PTPRK: variants seen among roughly 807,000 people sequenced by gnomAD.
PTPRK encodes receptor-type tyrosine-protein phosphatase kappa.
PTPRK carries 75 observed loss-of-function variants against 178.0 expected under a neutral mutation model. The observed-to-expected ratio is 0.42, with a 90% CI of 0.35 to 0.51. The LOEUF (loss-of-function observed/expected upper bound fraction) is 0.51, where lower values mean the gene tolerates loss of function less well. Among genes scored for constraint, PTPRK ranks in the 20% least tolerant of loss-of-function variants. PTPRK has a pLI of 0.02. For missense variants in PTPRK, 1,441 were observed against 1,797.8 expected, an observed-to-expected ratio of 0.80 and a Z score of 3.59; for synonymous variants, 637 against 620.6, an observed-to-expected ratio of 1.03 and a Z score of -0.39.
intron 1 of PTPRK, among the ~76,000 whole-genome samples, chr6:128,426,033 A>C (rs1166687628): frequency 2.0e-5 from 3 of 152,208 alleles, no homozygotes; most frequent in Non-Finnish European, 4.4e-5. Context: ...TATAGTACCC[A>C]ATGTTTCCAA....
In PTPRK at chr6:128,051,333, T is replaced by C. The variant is rs527692554; in HGVS notation, c.2194+13425A>G. Among the ~76,000 whole-genome samples, 5 of 152,308 alleles carry C rather than the reference T, an allele frequency of 3.3e-5. No homozygotes were observed. The South Asian group carries it at 6.2e-4, about 19-fold the overall frequency. Reference sequence around the variant, plus strand: ...ATCTCCTTTTTATCAGTAATGTATTTCTGGAAAAGAAAGTCTCCCCAACCA... The same window carrying C: ...ATCTCCTTTTTATCAGTAATGTATTCCTGGAAAAGAAAGTCTCCCCAACCA... On this transcript the variant is annotated intron_variant, in intron 13 of 29. Coordinates refer to ENST00000368226, the MANE Select transcript of PTPRK (RefSeq NM_002844.4).
intron 7 of PTPRK, among the ~76,000 whole-genome samples, chr6:128,123,392 C>A (rs1212863942): frequency 1.3e-5 from 2 of 152,088 alleles, no homozygotes; most frequent in Admixed American, 6.6e-5. Context: ...TAATACACAA[C>A]TTAGGAGGAA....
intron 3 of PTPRK, among the ~76,000 whole-genome samples, chr6:128,247,222 T>G (rs186279792): frequency 3.3e-5 from 5 of 152,350 alleles, no homozygotes; most frequent in African/African-American, 9.6e-5. Flanking sequence ...TTACAGATAC[T>G]AGAAAAATCT....
intron 3 of PTPRK, among the ~76,000 whole-genome samples, chr6:128,308,660 C>T (rs551651031): frequency 1.2e-4 from 18 of 152,088 alleles, no homozygotes; most frequent in African/African-American, 3.9e-4. Context: ...CAATTTTCGA[C>T]GCATGAAAGG....
intron 7 of PTPRK, among the ~76,000 whole-genome samples, chr6:128,170,463 G>A (rs961540825): frequency 6.6e-6 from 1 of 151,990 alleles, no homozygotes; most frequent in African/African-American, 2.4e-5. Context: ...GGGGGTTAAA[G>A]AAAACTATTC....
At chr6:128,057,688 C>T (rs1780129277) in intron 13 of PTPRK, among the ~76,000 whole-genome samples, 1 of 152,136 alleles carries the variant, frequency 6.6e-6, no homozygotes, top group Non-Finnish European at 1.5e-5. Context: ...TTCTCCCTGT[C>T]CTTATTCTGC....
intron 7 of PTPRK, among the ~76,000 whole-genome samples, chr6:128,140,945 T>C (rs977323636): frequency 5.9e-5 from 9 of 151,986 alleles, no homozygotes; most frequent in Non-Finnish European, 1.0e-4. Flanking sequence ...CAGTACCATG[T>C]ATAAGGGAGA....
At chr6:128,191,557 G>A (rs1803788164) in intron 6 of PTPRK, among the ~76,000 whole-genome samples, 1 of 151,864 alleles carries the variant, frequency 6.6e-6, no homozygotes, top group South Asian at 2.1e-4. Context: ...ACATTTCTAT[G>A]AGAGTAGATA....
intron 13 of PTPRK, among the ~76,000 whole-genome samples, chr6:128,045,767 C>T (rs1777939191): frequency 6.6e-6 from 1 of 152,036 alleles, no homozygotes; most frequent in Admixed American, 6.6e-5. Flanking sequence ...CAGGCACACA[C>T]AATTATAAGG....
rs1277812997 is a variant in PTPRK at position 127,976,649 on chromosome 6, T to C, written c.3969+8A>G. On this transcript the variant is annotated splice_region_variant and intron_variant, in intron 27 of 29. Transcript: ENST00000368226. ...TAGATCAGCTCAAAGGATCCGATAG[T>C]GACTTACTCTTGTTAGATTGCATAT... The C allele has an allele frequency of 2.5e-6, 4 of 1,613,926 alleles. No homozygotes were observed. The highest frequency in any genetic ancestry group is 2.5e-6 in the Non-Finnish European group (3 of 1,179,956).
At chr6:128,391,342 A>G (rs1441755924) in intron 2 of PTPRK, among the ~76,000 whole-genome samples, 1 of 152,114 alleles carries the variant, frequency 6.6e-6, no homozygotes, top group Non-Finnish European at 1.5e-5. Flanking sequence ...ACAACTGCAC[A>G]TGTTCACACA....
intron 3 of PTPRK, among the ~76,000 whole-genome samples, chr6:128,247,412 C>A (rs977283345): frequency 3.3e-5 from 5 of 152,182 alleles, no homozygotes; most frequent in Admixed American, 1.3e-4. Context: ...CTCTGCCTCC[C>A]AGGTTCAAAC....
At chr6:128,305,422 C>T (rs1212769669) in intron 3 of PTPRK, among the ~76,000 whole-genome samples, 1 of 152,108 alleles carries the variant, frequency 6.6e-6, no homozygotes, top group African/African-American at 2.4e-5. Flanking sequence ...CACTATGACT[C>T]GCCTTGTTTA....
intron 1 of PTPRK, among the ~76,000 whole-genome samples, chr6:128,493,806 C>T (rs1211837241): frequency 6.6e-6 from 1 of 152,086 alleles, no homozygotes; most frequent in Non-Finnish European, 1.5e-5. Context: ...CTGGAAACTC[C>T]AAAGGTAACT....
intron 7 of PTPRK, among the ~76,000 whole-genome samples, chr6:128,150,988 TATC>T (rs926685835): frequency 6.6e-6 from 1 of 152,110 alleles, no homozygotes; most frequent in Non-Finnish European, 1.5e-5. Context: ...AAATATAGCA[TATC>T]ATGTTACAAG....
rs552084994 is a variant in PTPRK at position 128,100,674 on chromosome 6, T to A, written c.1163-10682A>T. On this transcript the variant is annotated intron_variant, in intron 7 of 29. Transcript: ENST00000368226. ...ATATCTCAGAGCTGAATAACTCCTA[T>A]ATATGAAGACACATAGAATATAAAT... Among the ~76,000 whole-genome samples, 10 of 152,098 alleles carry A rather than the reference T, an allele frequency of 6.6e-5. No homozygotes were observed. The South Asian group carries it at 1.9e-3, about 28-fold the overall frequency.
intron 14 of PTPRK, chr6:128,006,169 A>C: frequency 1.4e-6 from 1 of 727,388 alleles, no homozygotes; most frequent in Non-Finnish European, 2.1e-6. Context: ...AATAAAATAA[A>C]ATAAAATTCA....
chr6:127,988,536 CCTATTTTCTTCTACCAT>C (rs1190708616), intron 21 of PTPRK, among the ~76,000 whole-genome samples: 1 of 151,244 alleles, frequency 6.6e-6, no homozygotes, highest in African/African-American at 2.4e-5. Context: ...TAACAATCAT[CCTATTTTCTTCTACCAT>C]CTATTCATGC....
intron 1 of PTPRK, among the ~76,000 whole-genome samples, chr6:128,510,544 G>C (rs1466343875): frequency 2.0e-5 from 3 of 152,162 alleles, no homozygotes; most frequent in African/African-American, 7.2e-5. Context: ...AGTAGGTTTT[G>C]TCTGTGTCAA....
Sources: allele counts gnomAD v4.1 joint callset (sites outside exome capture counted in the v4.1 genomes callset), GRCh38; gene constraint gnomAD v4.1.1; transcripts MANE v1.5; gene names NCBI Gene and HGNC (gene_info 2026-07-23, HGNC 2026-07-21).